Variants in GRID2 observed in about 807,000 individuals in gnomAD.
GRID2 encodes the protein glutamate receptor ionotropic, delta-2.
In GRID2, 33 loss-of-function variants were observed where a neutral mutation model predicts 114.8. The ratio of observed to expected loss-of-function variants is 0.29; its 90% CI spans 0.22 to 0.38. The LOEUF (loss-of-function observed/expected upper bound fraction) is 0.38, where lower values mean the gene tolerates loss of function less well. Ranked by LOEUF, GRID2 falls within the 10% of genes least tolerant of loss-of-function variation. The probability of loss-of-function intolerance (pLI) is 1.00; values close to 1 mark genes in which losing one functional copy is unlikely to be tolerated. For synonymous variants in GRID2, 505 were observed against 449.9 expected (o/e 1.12, Z -1.55); for missense variants, 1,184 against 1,257.7 (o/e 0.94, Z 0.89).
At chr4:93,191,193 A>G (rs769358947) in intron 4 of GRID2, among the ~76,000 whole-genome samples, 1 of 152,076 alleles carries the variant, frequency 6.6e-6, no homozygotes, top group Non-Finnish European at 1.5e-5. Context: ...AAAAAATAGC[A>G]AAACTCTAGA....
chr4:92,339,602 G>A (rs976750709), intron 1 of GRID2, among the ~76,000 whole-genome samples: 1 of 152,092 alleles, frequency 6.6e-6, no homozygotes, highest in African/African-American at 2.4e-5. Context: ...ACAAACAACA[G>A]GTAATTAATT....
intron 2 of GRID2, among the ~76,000 whole-genome samples, chr4:92,676,965 A>G (rs1230471061): frequency 6.6e-6 from 1 of 152,238 alleles, no homozygotes; most frequent in African/African-American, 2.4e-5. Flanking sequence ...ATTCTGACAC[A>G]TGCTAAAATA....
At chr4:93,304,087 T>G (rs1755158717) in intron 8 of GRID2, among the ~76,000 whole-genome samples, 1 of 151,460 alleles carries the variant, frequency 6.6e-6, no homozygotes, top group Admixed American at 6.6e-5. Flanking sequence ...TTTTTAAAAA[T>G]ATATATTAAT....
At chr4:92,784,886 C>T (rs1166273401) in intron 2 of GRID2, among the ~76,000 whole-genome samples, 1 of 151,788 alleles carries the variant, frequency 6.6e-6, no homozygotes, top group African/African-American at 2.4e-5. Flanking sequence ...TGAGCTGTGT[C>T]ATCTTTTCTT....
intron 1 of GRID2, among the ~76,000 whole-genome samples, chr4:92,554,432 C>A (rs1726751282): frequency 6.6e-6 from 1 of 152,054 alleles, no homozygotes. Context: ...TGCTGAAGAC[C>A]ATTTTTTTCA....
At chr4:93,796,945 A>G (rs1298272508) in intron 1 of GRID2, among the ~76,000 whole-genome samples, 1 of 152,166 alleles carries the variant, frequency 6.6e-6, no homozygotes, top group Admixed American at 6.5e-5. Context: ...ATATATTGTT[A>G]GGTCATTTCA....
chr4:92,442,096 A>C (rs1733125809), intron 1 of GRID2, among the ~76,000 whole-genome samples: 1 of 150,558 alleles, frequency 6.6e-6, no homozygotes, highest in African/African-American at 2.4e-5. Flanking sequence ...CCTTGAAAAG[A>C]AGGTAATGTG....
chr4:93,717,872 A>G (rs1729036641), intron 14 of GRID2, among the ~76,000 whole-genome samples: 1 of 152,174 alleles, frequency 6.6e-6, no homozygotes, highest in South Asian at 2.1e-4. Context: ...GGCCCTTACT[A>G]CTTACTATCT....
chr4:93,532,845 C>G (rs976838075), intron 13 of GRID2, among the ~76,000 whole-genome samples: 1 of 152,084 alleles, frequency 6.6e-6, no homozygotes, highest in Non-Finnish European at 1.5e-5. Flanking sequence ...ATAAAAGACT[C>G]AAATCTCATT....
chr4:92,951,315 C>T (rs1316243563), intron 2 of GRID2, among the ~76,000 whole-genome samples: 2 of 151,338 alleles, frequency 1.3e-5, no homozygotes, highest in African/African-American at 4.9e-5. Flanking sequence ...AAATTGTTCT[C>T]CAAAAATTCG....
At chr4:92,693,654 T>C (rs1292406671) in intron 2 of GRID2, among the ~76,000 whole-genome samples, 1 of 152,214 alleles carries the variant, frequency 6.6e-6, no homozygotes, top group Non-Finnish European at 1.5e-5. Flanking sequence ...AGTTACAAAT[T>C]GAGTGGAATT....
chr4:93,669,390 T>C (rs1724210190), intron 14 of GRID2, among the ~76,000 whole-genome samples: 1 of 152,090 alleles, frequency 6.6e-6, no homozygotes, highest in South Asian at 2.1e-4. Flanking sequence ...CTTAGCATAA[T>C]GCACAGTACA....
intron 4 of GRID2, among the ~76,000 whole-genome samples, chr4:93,199,227 A>G (rs1741826170): frequency 6.6e-6 from 1 of 152,216 alleles, no homozygotes; most frequent in Non-Finnish European, 1.5e-5. Flanking sequence ...CAGAGAATTA[A>G]AGACAGTAAC....
At chr4:92,409,241 G>A (rs1731179656) in intron 1 of GRID2, among the ~76,000 whole-genome samples, 1 of 152,070 alleles carries the variant, frequency 6.6e-6, no homozygotes, top group Non-Finnish European at 1.5e-5. Flanking sequence ...AAAATAAGAA[G>A]TGTGTCATAA....
chr4:93,039,452 G>A (rs1228928578), intron 2 of GRID2, among the ~76,000 whole-genome samples: 2 of 151,836 alleles, frequency 1.3e-5, no homozygotes, highest in Admixed American at 6.6e-5. Context: ...ATGTACCTTA[G>A]AACTTAAAGT....
rs1342812709 is a variant in GRID2 at position 92,304,193 on chromosome 4, G to T, written c.-464G>T. On this transcript the variant is annotated 5_prime_UTR_variant, in exon 1 of 16. Transcript: ENST00000282020. ...AGCGAAGACCAGTGATTCTCTGCGG[G>T]CTGTAGGGGCGGGGGCGGGGGTCTT... 2 of 177,486 alleles carry T rather than the reference G, an allele frequency of 1.1e-5. No homozygotes were observed. Among genetic ancestry groups the T allele is most frequent in the Admixed American group, 1.1e-4 (2 of 17,452 alleles). The allele number at this position is 177,486 out of a possible 1,614,324, so 11.0% of individuals were successfully genotyped here. A position where few individuals can be genotyped will look rare whatever the true frequency, so the allele number is the denominator to read the frequency against.
At chr4:92,588,720 C>T (rs1243103035) in intron 1 of GRID2, among the ~76,000 whole-genome samples, 1 of 149,470 alleles carries the variant, frequency 6.7e-6, no homozygotes, top group Non-Finnish European at 1.5e-5. Context: ...ATTAGTTTCT[C>T]TCAAGTTCTC....
At chr4:93,433,110 T>A (rs1245603511) in intron 10 of GRID2, among the ~76,000 whole-genome samples, 1 of 152,152 alleles carries the variant, frequency 6.6e-6, no homozygotes, top group African/African-American at 2.4e-5. Context: ...CAAATGTACC[T>A]CACCAATGCA....
intron 8 of GRID2, among the ~76,000 whole-genome samples, chr4:93,289,687 G>A (rs761053331): frequency 2.0e-5 from 3 of 151,960 alleles, no homozygotes; most frequent in South Asian, 2.1e-4. Flanking sequence ...TCCTCTTAGC[G>A]ACACAGACTA....
Sources: gnomAD v4.1 joint callset for allele counts (sites outside exome capture counted in the v4.1 genomes callset) on GRCh38, gnomAD v4.1.1 for gene constraint, MANE v1.5 for transcripts, NCBI Gene and HGNC (gene_info 2026-07-23, HGNC 2026-07-21) for gene names.